OPCML: variants seen among roughly 807,000 people sequenced by gnomAD.
The protein encoded by OPCML is opioid-binding protein/cell adhesion molecule.
A neutral mutation model predicts 37.8 loss-of-function variants in OPCML; 13 were observed. The ratio of observed to expected loss-of-function variants is 0.34; its 90% CI spans 0.22 to 0.55. The LOEUF (loss-of-function observed/expected upper bound fraction) is 0.55. OPCML is among the 20% of genes least tolerant of loss of function. The pLI is 0.91. For missense variants in OPCML, 341 were observed against 435.6 expected, an observed-to-expected ratio of 0.78 and a Z score of 1.93; for synonymous variants, 176 against 168.8, an observed-to-expected ratio of 1.04 and a Z score of -0.33.
At chr11:132,845,003 A>C (rs1357413446) in intron 2 of OPCML, among the ~76,000 whole-genome samples, 3 of 152,062 alleles carry the variant, frequency 2.0e-5, no homozygotes, top group African/African-American at 4.8e-5. Flanking sequence ...AAAGAAATCA[A>C]AGACATAACT....
At chr11:133,265,478 A>C (rs750751307) in intron 1 of OPCML, among the ~76,000 whole-genome samples, 7 of 152,198 alleles carry the variant, frequency 4.6e-5, no homozygotes, top group Non-Finnish European at 7.3e-5. Context: ...TAGAGAATGC[A>C]ACATCAGGAG....
chr11:132,916,295 G>T (rs376022932), intron 2 of OPCML, among the ~76,000 whole-genome samples: 5 of 152,088 alleles, frequency 3.3e-5, no homozygotes, highest in Non-Finnish European at 5.9e-5. Flanking sequence ...TCAGGCATTT[G>T]TGCTGACTCT....
intron 1 of OPCML, among the ~76,000 whole-genome samples, chr11:133,131,074 A>T (rs1174120122): frequency 1.3e-5 from 2 of 152,088 alleles, no homozygotes; most frequent in East Asian, 3.9e-4. Context: ...GTGTCCTTAC[A>T]CAAGGGACCC....
intron 3 of OPCML, among the ~76,000 whole-genome samples, chr11:132,608,963 GCCCTTAGTTC>G (rs1938471493): frequency 6.6e-6 from 1 of 151,834 alleles, no homozygotes; most frequent in Non-Finnish European, 1.5e-5. Context: ...CTTGGTCCAA[GCCCTTAGTTC>G]CTTTCTGGAA....
chr11:133,041,446 C>T (rs935149761), intron 1 of OPCML, among the ~76,000 whole-genome samples: 7 of 152,180 alleles, frequency 4.6e-5, no homozygotes, highest in Admixed American at 1.3e-4. Context: ...CCACCTCTCC[C>T]ACCCTCTGCA....
chr11:133,335,351 CAT>C (rs1182299236), intron 1 of OPCML, among the ~76,000 whole-genome samples: 3 of 152,308 alleles, frequency 2.0e-5, no homozygotes, highest in Non-Finnish European at 2.9e-5. Context: ...CATTTCAACA[CAT>C]GTCAGCACTT....
At chr11:132,944,162 T>TCGCAG (rs1945686856) in intron 1 of OPCML, among the ~76,000 whole-genome samples, 1 of 147,500 alleles carries the variant, frequency 6.8e-6, no homozygotes, top group Non-Finnish European at 1.5e-5. Flanking sequence ...GCGGCGCCCC[T>TCGCAG]CGCAGCGGCT....
intron 1 of OPCML, among the ~76,000 whole-genome samples, chr11:133,116,120 C>G (rs1365659675): frequency 2.0e-5 from 3 of 152,086 alleles, no homozygotes; most frequent in African/African-American, 7.2e-5. Context: ...ATGCACCTGC[C>G]ACCACGCCTG....
chr11:132,609,278 C>T (rs1938492424), intron 3 of OPCML, among the ~76,000 whole-genome samples: 1 of 152,152 alleles, frequency 6.6e-6, no homozygotes, highest in Admixed American at 6.5e-5. Flanking sequence ...ATTCTCACAT[C>T]CGGTTTAAAG....
chr11:133,155,544 G>GC (rs1400106906), intron 1 of OPCML, among the ~76,000 whole-genome samples: 1 of 151,786 alleles, frequency 6.6e-6, no homozygotes, highest in Non-Finnish European at 1.5e-5. Flanking sequence ...ACAATTCCTT[G>GC]CATGCAAAGG....
chr11:133,397,987 A>G (rs553781479), intron 1 of OPCML, among the ~76,000 whole-genome samples: 3 of 152,278 alleles, frequency 2.0e-5, no homozygotes, highest in East Asian at 3.9e-4. Flanking sequence ...TCTAGTGACA[A>G]TGATGGATTT....
At chr11:132,427,479 C>T (rs117046241) in intron 7 of OPCML, among the ~76,000 whole-genome samples, 20 of 152,258 alleles carry the variant, frequency 1.3e-4, no homozygotes, top group East Asian at 3.9e-4. Context: ...TTAATTACAG[C>T]GGCAAACGTG....
At chr11:132,753,368 A>C (rs993715713) in intron 2 of OPCML, among the ~76,000 whole-genome samples, 29 of 152,236 alleles carry the variant, frequency 1.9e-4, no homozygotes, top group African/African-American at 6.8e-4. Context: ...AGAGTTGCGA[A>C]GTCCAAGAAC....
In OPCML at chr11:133,522,883, A is replaced by T. The variant is rs183415687; in HGVS notation, c.61+9381T>A. Among the ~76,000 whole-genome samples the T allele has an allele frequency of 6.2e-3, 943 of 152,308 alleles. 9 individuals carry two copies. The highest frequency in any genetic ancestry group is 0.022 in the African/African-American group (901 of 41,570). On this transcript the variant is annotated intron_variant, in intron 1 of 7. Transcript: ENST00000524381. ...TAAATAAATTACTGCAATTTAAAAA[A>T]TGTTTGTAGGGAGCCAGCCATAGAT... is the stretch of plus-strand genomic sequence containing the variant.
intron 2 of OPCML, among the ~76,000 whole-genome samples, chr11:132,724,300 C>T (rs1944789519): frequency 2.6e-5 from 4 of 152,102 alleles, no homozygotes; most frequent in Admixed American, 2.6e-4. Flanking sequence ...TAAATTCTTG[C>T]CCCCAGGTAT....
chr11:133,110,456 G>C (rs1051457181), intron 1 of OPCML, among the ~76,000 whole-genome samples: 1 of 152,178 alleles, frequency 6.6e-6, no homozygotes, highest in Non-Finnish European at 1.5e-5. Context: ...TGAGCCCATA[G>C]CAGAGGTCAC....
At position 133,513,854 on chromosome 11, in the gene OPCML, G is replaced by A. The variant is rs529707160; in HGVS notation, c.61+18410C>T. On this transcript the variant is annotated intron_variant, in intron 1 of 7. Transcript: ENST00000524381. ...GGTTCATGAAAAGATCTTAATTCAT[G>A]AGCTGCATTACAGAGATTAAGAGTT... 2.4e-3 allele frequency among the ~76,000 whole-genome samples: 368 copies of A among 152,280 alleles called. 1 individual carries two copies. The highest frequency in any genetic ancestry group is 0.01 in the Middle Eastern group (3 of 294).
chr11:132,650,445 C>A (rs1253372462), intron 3 of OPCML, among the ~76,000 whole-genome samples: 1 of 152,156 alleles, frequency 6.6e-6, no homozygotes, highest in South Asian at 2.1e-4. Flanking sequence ...TTCAACCTTT[C>A]CATTGCAAAG....
At chr11:133,520,937 G>T (rs1455065968) in intron 1 of OPCML, among the ~76,000 whole-genome samples, 1 of 152,206 alleles carries the variant, frequency 6.6e-6, no homozygotes, top group Admixed American at 6.5e-5. Context: ...TGCCTGGGAA[G>T]TGAATGCAGG....
Sources: gnomAD v4.1 joint callset for allele counts (sites outside exome capture counted in the v4.1 genomes callset) on GRCh38, gnomAD v4.1.1 for gene constraint, MANE v1.5 for transcripts, NCBI Gene and HGNC (gene_info 2026-07-23, HGNC 2026-07-21) for gene names.